The following PARP16 variants were observed in gnomAD, a reference collection of about 807,000 sequenced individuals.
PARP16 encodes the protein protein mono-ADP-ribosyltransferase PARP16.
Under a neutral mutation model 35.0 loss-of-function variants are expected in PARP16, and 31 were observed. That is an observed-to-expected ratio of 0.88 (90% confidence interval 0.66 to 1.19). PARP16 has a LOEUF of 1.19. PARP16 is among the 50% of genes most tolerant of loss of function. PARP16 has a pLI of 0.00. For synonymous variants in PARP16, 162 were observed against 169.5 expected (o/e 0.96, Z 0.34); for missense variants, 424 against 411.2 (o/e 1.03, Z -0.27).
chr15:65,265,101 C>T (rs995921045), intron 3 of PARP16, among the ~76,000 whole-genome samples: 4 of 152,184 alleles, frequency 2.6e-5, no homozygotes, highest in African/African-American at 9.7e-5. Context: ...CGACATTAAC[C>T]AGATACACCA....
chr15:65,257,119 C>T (rs2414879), downstream of PARP16, among the ~76,000 whole-genome samples: 63,700 of 152,102 alleles, frequency 0.42, 14,670 homozygotes, highest in East Asian at 0.86. Flanking sequence ...CCTGTCTCTA[C>T]TAAAAATACA....
At chr15:65,277,188 C>T (rs1233924097) in intron 1 of PARP16, among the ~76,000 whole-genome samples, 3 of 152,164 alleles carry the variant, frequency 2.0e-5, no homozygotes, top group Non-Finnish European at 4.4e-5. Flanking sequence ...TTTTCTTCCT[C>T]TGTGCTTCTG....
At chr15:65,271,513 G>C (rs2090094434) in intron 1 of PARP16, among the ~76,000 whole-genome samples, 1 of 152,118 alleles carries the variant, frequency 6.6e-6, no homozygotes, top group African/African-American at 2.4e-5. Context: ...GACCTCAAGT[G>C]ATCCCCCTGC....
chr15:65,238,393 G>A (rs905687286), intron 3 of PARP16, among the ~76,000 whole-genome samples: 1 of 152,160 alleles, frequency 6.6e-6, no homozygotes, highest in Non-Finnish European at 1.5e-5. Flanking sequence ...GAGAACTCTT[G>A]TTCCACGCTC....
At chr15:65,281,843 A>C (rs1301222315) in intron 1 of PARP16, among the ~76,000 whole-genome samples, 2 of 152,224 alleles carry the variant, frequency 1.3e-5, no homozygotes, top group African/African-American at 4.8e-5. Context: ...GGGAGTTCTC[A>C]GGAAATCACC....
chr15:65,271,335 A>G (rs984186790), intron 1 of PARP16, among the ~76,000 whole-genome samples: 2 of 151,940 alleles, frequency 1.3e-5, no homozygotes, highest in African/African-American at 4.8e-5. Context: ...GAGCAGTGGC[A>G]TGATCTTGGC....
Position 65,271,079 on chromosome 15 carries a change from C to A in PARP16, c.175-7G>T, listed in dbSNP as rs769543472. On this transcript the variant is annotated splice_polypyrimidine_tract_variant and splice_region_variant and intron_variant, in intron 1 of 5. Coordinates refer to ENST00000649807, the MANE Select transcript of PARP16 (RefSeq NM_001316943.2). ...ACTTGCTGGCATCTGCAAGCTGAAG[C>A]GACGGAAGAACTTCCATTAGCAAGG... is the stretch of plus-strand genomic sequence containing the variant. The A allele has an allele frequency of 5.6e-6, 9 of 1,613,820 alleles. No homozygotes were observed. In the South Asian group the frequency reaches 8.8e-5, roughly 16 times the overall value.
chr15:65,247,897 C>T (rs532937363), intron 3 of PARP16, among the ~76,000 whole-genome samples: 2 of 151,256 alleles, frequency 1.3e-5, no homozygotes, highest in Non-Finnish European at 2.9e-5. Context: ...CTCCACTTCC[C>T]GGGTTCATGC....
intron 5 of PARP16, among the ~76,000 whole-genome samples, chr15:65,260,133 G>A (rs1319201884): frequency 6.6e-6 from 1 of 152,142 alleles, no homozygotes; most frequent in Admixed American, 6.6e-5. Context: ...CAGGGGTCGG[G>A]AGGAGACTTT....
intron 3 of PARP16, 61 bp downstream of exon 3, chr15:65,266,501 C>A: frequency 1.4e-6 from 2 of 1,402,144 alleles, no homozygotes; most frequent in Non-Finnish European, 2.0e-6. Context: ...ATCTCCCCCT[C>A]CCCACTCTCC....
intron 1 of PARP16, among the ~76,000 whole-genome samples, chr15:65,276,736 T>C (rs1034799988): frequency 3.3e-5 from 5 of 152,108 alleles, no homozygotes; most frequent in Non-Finnish European, 5.9e-5. Context: ...ATCCCAGCAC[T>C]TTGGGAGGTT....
At chr15:65,257,420 C>T (rs530602305), downstream of PARP16, among the ~76,000 whole-genome samples, 2 of 149,640 alleles carry the variant, frequency 1.3e-5, no homozygotes, top group South Asian at 2.1e-4. Flanking sequence ...GGTGACAGAG[C>T]GAGACTCCAG....
At chr15:65,232,646 T>C (rs377037936), downstream of PARP16, among the ~76,000 whole-genome samples, 48 of 152,084 alleles carry the variant, frequency 3.2e-4, no homozygotes, top group African/African-American at 1.1e-3. Context: ...CTCACACCTA[T>C]AATCCCTACA....
chr15:65,259,657 G>T, intron 5 of PARP16, 115 bp from the exon 6 acceptor site: 1 of 1,048,294 alleles, frequency 9.5e-7, no homozygotes, highest in Non-Finnish European at 1.4e-6. Flanking sequence ...TCCTTTGCCT[G>T]AGCCATGAAA....
At chr15:65,263,705 A>G (rs1240039876) in intron 3 of PARP16, among the ~76,000 whole-genome samples, 1 of 152,252 alleles carries the variant, frequency 6.6e-6, no homozygotes, top group Non-Finnish European at 1.5e-5. Flanking sequence ...TGTTACTAGT[A>G]GCTCCTTTAC....
downstream of PARP16, among the ~76,000 whole-genome samples, chr15:65,257,337 T>C (rs62012551): frequency 1.3e-5 from 2 of 151,730 alleles, no homozygotes; most frequent in Non-Finnish European, 2.9e-5. Context: ...GAATTGCTTG[T>C]ACCCGGGAGG....
chr15:65,260,883 A>T lies in PARP16; in HGVS notation c.833+2T>A, dbSNP rs751197495. On this transcript the variant is annotated splice_donor_variant, in intron 5 of 5. Coordinates refer to ENST00000649807, the MANE Select transcript of PARP16 (RefSeq NM_001316943.2). LOFTEE classifies it high-confidence loss of function. Reference sequence around the variant, plus strand: ...GCCATTAGTTGTTCTCTTGGACCTTACCTCTTGGGTGGCTTCTGTGAATAC... The same window carrying T: ...GCCATTAGTTGTTCTCTTGGACCTTTCCTCTTGGGTGGCTTCTGTGAATAC... 1 of 1,613,264 alleles carries T rather than the reference A, an allele frequency of 6.2e-7. No homozygotes were observed. The highest frequency in any genetic ancestry group is 8.5e-7 in the Non-Finnish European group (1 of 1,179,576).
intron 2 of PARP16, among the ~76,000 whole-genome samples, chr15:65,268,843 C>T (rs1221496481): frequency 3.9e-5 from 6 of 152,166 alleles, no homozygotes; most frequent in Non-Finnish European, 7.3e-5. Context: ...CAGCCTCCAC[C>T]TCCCAGGTTC....
intron 3 of PARP16, among the ~76,000 whole-genome samples, chr15:65,264,152 G>A (rs1022176259): frequency 6.6e-6 from 1 of 152,162 alleles, no homozygotes; most frequent in African/African-American, 2.4e-5. Context: ...CATCTCCCTG[G>A]TGGTGCCCTC....
Sources: allele counts gnomAD v4.1 joint callset (sites outside exome capture counted in the v4.1 genomes callset), GRCh38; gene constraint gnomAD v4.1.1; transcripts MANE v1.5; gene names NCBI Gene and HGNC (gene_info 2026-07-23, HGNC 2026-07-21).